The following RADX variants were observed in gnomAD, a reference collection of about 807,000 sequenced individuals.
RADX encodes the protein RPA-related protein RADX.
In RADX, 36 loss-of-function variants were observed where a neutral mutation model predicts 61.6. The observed-to-expected ratio is 0.58, with a 90% confidence interval of 0.45 to 0.77. RADX has a LOEUF of 0.77. RADX is among the 30% of genes least tolerant of loss of function. The pLI, the probability that RADX is intolerant of heterozygous loss-of-function variation, is 0.00. For synonymous variants in RADX, 272 were observed against 237.9 expected (o/e 1.14, Z -1.32); for missense variants, 497 against 651.1 (o/e 0.76, Z 2.58).
chrX:106,637,776 G>A lies in RADX; in HGVS notation c.1425G>A (p.Pro475=), dbSNP rs145834842. The A allele has an allele frequency of 1.5e-5, 18 of 1,202,930 alleles. No homozygotes were observed. The highest frequency in any genetic ancestry group is 4.6e-4 in the Middle Eastern group (2 of 4,339). ...CGCGAGGAGGTCATAGAGGCCAGCC[G>A]TATACGTATGATGCCAAGGTAAAAA... is the stretch of plus-strand genomic sequence containing the variant. ...GVFITGHRGQ[P]YTYDAKVKNF... Residue 475 remains proline (P), a synonymous_variant, in exon 8 of 14, where the codon CCG becomes CCA. Coordinates refer to ENST00000372548, the MANE Select transcript of RADX (RefSeq NM_018015.6).
At chrX:106,613,907 C>T in intron 1 of RADX, among the ~76,000 whole-genome samples, 1 of 111,634 alleles carries the variant, frequency 9.0e-6, no homozygotes, top group Non-Finnish European at 1.9e-5. Context: ...TGGTGCCCTA[C>T]AAGAAAAGTT....
chrX:106,627,614 C>G (rs981067068), intron 3 of RADX, among the ~76,000 whole-genome samples: 4 of 110,788 alleles, frequency 3.6e-5, no homozygotes, highest in Non-Finnish European at 7.6e-5. Context: ...TTGTTTTTCC[C>G]TATCCCTCCC....
intron 2 of RADX, 38 bp from the exon 3 acceptor site, chrX:106,625,052 G>A (rs1927045980): frequency 4.0e-6 from 4 of 999,555 alleles, no homozygotes; most frequent in Non-Finnish European, 5.4e-6. Context: ...AGATAAAAGT[G>A]ACAAATATGT....
At chrX:106,660,027 A>C (rs1203815607) in intron 11 of RADX, among the ~76,000 whole-genome samples, 1 of 111,899 alleles carries the variant, frequency 8.9e-6, no homozygotes, top group African/African-American at 3.2e-5. Context: ...AAAATAAGTC[A>C]AGCAGGAATG....
At chrX:106,630,129 C>A (rs976879631) in intron 3 of RADX, among the ~76,000 whole-genome samples, 17 of 111,084 alleles carry the variant, frequency 1.5e-4, no homozygotes, top group African/African-American at 4.9e-4. Context: ...TTGAGACCAG[C>A]CTGTGCAACA....
chrX:106,624,985 A>G (rs185551494), intron 2 of RADX, 105 bp from the exon 3 acceptor site: 60 of 431,069 alleles, frequency 1.4e-4, no homozygotes, highest in South Asian at 2.3e-4. Flanking sequence ...TAAAATTTAG[A>G]TGTTATTTTC....
intron 1 of RADX, among the ~76,000 whole-genome samples, chrX:106,617,819 CA>C (rs1342198523): frequency 9.0e-6 from 1 of 110,500 alleles, no homozygotes; most frequent in Admixed American, 9.6e-5. Flanking sequence ...AGAAACACTG[CA>C]AAAAAATGGA....
intron 12 of RADX, among the ~76,000 whole-genome samples, chrX:106,665,450 C>A (rs1388451289): frequency 9.0e-6 from 1 of 111,201 alleles, no homozygotes; most frequent in Non-Finnish European, 1.9e-5. Flanking sequence ...AAATATTGTT[C>A]TTTTGATTTT....
Position 106,679,136 on chromosome X carries a change from G to A in RADX, c.*878G>A, listed in dbSNP as rs1928585015. The A allele has an allele frequency of 8.9e-6, 1 of 112,024 alleles. No homozygotes were observed. Among genetic ancestry groups the A allele is most frequent in the African/African-American group, 3.2e-5 (1 of 30,811 alleles). The allele number at this position is 112,024 out of a possible 1,213,427, so 9.2% of individuals were successfully genotyped here. On this transcript the variant is annotated 3_prime_UTR_variant, in exon 14 of 14. Transcript: ENST00000372548. Reference sequence around the variant, plus strand: ...GCAAGGCCCGGTGGTTGACATCTGTGTGGTTTGTTAGATGAGACAAAATGA... The same window carrying A: ...GCAAGGCCCGGTGGTTGACATCTGTATGGTTTGTTAGATGAGACAAAATGA...
chrX:106,668,759 A>G (rs1157438802), intron 12 of RADX, among the ~76,000 whole-genome samples: 2 of 111,533 alleles, frequency 1.8e-5, no homozygotes, highest in Admixed American at 1.9e-4. Context: ...CATTAGTCAG[A>G]TATCTTTGAG....
At chrX:106,644,105 C>A (rs1000428892) in intron 10 of RADX, among the ~76,000 whole-genome samples, 1 of 111,448 alleles carries the variant, frequency 9.0e-6, no homozygotes, top group Non-Finnish European at 1.9e-5. Context: ...AGAAGTGCTT[C>A]TGATTTTTGT....
chrX:106,662,966 A>C (rs1414919750), intron 12 of RADX, among the ~76,000 whole-genome samples: 2 of 110,888 alleles, frequency 1.8e-5, no homozygotes, highest in Admixed American at 9.6e-5. Context: ...TTTACACACA[A>C]AAAAATTCTA....
At chrX:106,675,241 A>C (rs751371013) in intron 13 of RADX, among the ~76,000 whole-genome samples, 1 of 112,275 alleles carries the variant, frequency 8.9e-6, no homozygotes, top group East Asian at 2.8e-4. Context: ...CTAGGTAATC[A>C]AGGTTTCCCT....
intron 6 of RADX, among the ~76,000 whole-genome samples, chrX:106,636,312 G>A (rs1927356502): frequency 9.0e-6 from 1 of 111,539 alleles, no homozygotes; most frequent in Non-Finnish European, 1.9e-5. Context: ...AACCCTTATT[G>A]TTCCTAGTGT....
intron 12 of RADX, among the ~76,000 whole-genome samples, chrX:106,665,488 T>C (rs2147640432): frequency 9.0e-6 from 1 of 111,440 alleles, no homozygotes; most frequent in South Asian, 3.8e-4. Context: ...GTGAAAGCTA[T>C]TCTTAGCTCA....
chrX:106,622,926 G>T, intron 2 of RADX, 133 bp downstream of exon 2: 2 of 371,650 alleles, frequency 5.4e-6, no homozygotes, highest in Non-Finnish European at 9.1e-6. Context: ...TTAAATGTAC[G>T]TAAATGTATA....
At chrX:106,634,297 G>A (rs933600361) in intron 6 of RADX, among the ~76,000 whole-genome samples, 1 of 110,761 alleles carries the variant, frequency 9.0e-6, no homozygotes, top group African/African-American at 3.3e-5. Flanking sequence ...CACCATGCCT[G>A]GCTAATTTTT....
chrX:106,636,496 C>T (rs1927362271), intron 6 of RADX, 47 bp from the exon 7 acceptor site: 2 of 740,248 alleles, frequency 2.7e-6, no homozygotes, highest in South Asian at 2.4e-5. Context: ...CTTGTTATGT[C>T]CTATTTGAAA....
chrX:106,629,245 G>A (rs747040170), intron 3 of RADX, among the ~76,000 whole-genome samples: 37 of 111,286 alleles, frequency 3.3e-4, no homozygotes, highest in Non-Finnish European at 6.8e-4. Context: ...AGCTGGAAGG[G>A]ACCTTGAATA....
Sources: gnomAD v4.1 joint callset for allele counts (sites outside exome capture counted in the v4.1 genomes callset) on GRCh38, gnomAD v4.1.1 for gene constraint, MANE v1.5 for transcripts, NCBI Gene and HGNC (gene_info 2026-07-23, HGNC 2026-07-21) for gene names.